The following PCDHA1 variants were observed in gnomAD, a reference collection of about 807,000 sequenced individuals.
PCDHA1 encodes the protein protocadherin alpha 1, also known as protocadherin alpha-1.
Under a neutral mutation model 61.3 loss-of-function variants are expected in PCDHA1, and 42 were observed. That is an observed-to-expected ratio of 0.69 (90% CI 0.54 to 0.89). The LOEUF (loss-of-function observed/expected upper bound fraction) is 0.89. Among genes scored for constraint, PCDHA1 ranks in the 40% least tolerant of loss-of-function variants. The probability of loss-of-function intolerance (pLI) is 0.00; values close to 1 mark genes in which losing one functional copy is unlikely to be tolerated. For missense variants in PCDHA1, 1,256 were observed against 1,235.3 expected (o/e 1.02, Z -0.25); for synonymous variants, 610 against 553.8 (o/e 1.10, Z -1.43).
In PCDHA1 at chr5:140,926,298, C is replaced by G. The variant is rs1337047837; in HGVS notation, c.2395-52651C>G. 3.3e-5 allele frequency: 5 copies of G among 152,328 alleles called. No homozygotes were observed. In the East Asian group the frequency reaches 5.8e-4, roughly 18 times the overall value. The allele number at this position is 152,328 out of a possible 1,614,324, so 9.4% of individuals were successfully genotyped here. Reference sequence around the variant, plus strand: ...TCGGCAGCTCCACGCTGAGTCCCGCCCTCTCCGCCGGAGAGGTGCGCCGGG... The same window carrying G: ...TCGGCAGCTCCACGCTGAGTCCCGCGCTCTCCGCCGGAGAGGTGCGCCGGG... On this transcript the variant is annotated intron_variant, in intron 1 of 3. Coordinates refer to ENST00000504120, the MANE Select transcript of PCDHA1 (RefSeq NM_018900.4).
At chr5:140,854,262 A>G in intron 1 of PCDHA1, 1 of 592,128 alleles carries the variant, frequency 1.7e-6, no homozygotes, top group South Asian at 7.2e-5. Flanking sequence ...TAAAATGTAC[A>G]TTAGTAGAAA....
At chr5:140,874,064 A>T (rs554642692) in intron 1 of PCDHA1, among the ~76,000 whole-genome samples, 17 of 152,334 alleles carry the variant, frequency 1.1e-4, no homozygotes, top group Admixed American at 1.1e-3. Flanking sequence ...AATTTAAATA[A>T]TTAGCCTGAT....
At chr5:140,803,544 C>A in intron 1 of PCDHA1, 2 of 1,614,160 alleles carry the variant, frequency 1.2e-6, no homozygotes, top group East Asian at 2.2e-5. Flanking sequence ...TCCAATTAGC[C>A]GGGATAGAGA....
In PCDHA1 at chr5:140,787,145, T is replaced by G. The variant is rs1761353768; in HGVS notation, c.855T>G (p.Ile285Met). The G allele has an allele frequency of 5.0e-6, 8 of 1,613,948 alleles. No individual in the cohort carries two copies. The highest frequency in any genetic ancestry group is 6.8e-6 in the Non-Finnish European group (8 of 1,179,954). Residue 285 changes from isoleucine to methionine, a missense_variant, in exon 1 of 4, where the codon ATT becomes ATG. Ile to Met is a conservative substitution (Grantham distance 10). Coordinates refer to ENST00000504120, the MANE Select transcript of PCDHA1 (RefSeq NM_018900.4). Reference sequence around the variant, plus strand: ...TCGTCTTTTCCTTTGACAGTGGTATTTCTCGTGACATTCAAGAAAAATTCA... The same window carrying G: ...TCGTCTTTTCCTTTGACAGTGGTATGTCTCGTGACATTCAAGAAAAATTCA... ...GEVVFSFDSGISRDIQEKFKV... is the reference protein window; with the variant it reads ...GEVVFSFDSGMSRDIQEKFKV...
At chr5:140,905,033 T>C (rs1325621385) in intron 1 of PCDHA1, among the ~76,000 whole-genome samples, 3 of 152,234 alleles carry the variant, frequency 2.0e-5, no homozygotes, top group African/African-American at 7.2e-5. Context: ...AGAAGCTTTT[T>C]AGTTTAATTA....
intron 1 of PCDHA1, chr5:140,862,740 G>A: frequency 1.7e-6 from 1 of 577,772 alleles, no homozygotes; most frequent in South Asian, 1.4e-5. Flanking sequence ...GCTATGTGTG[G>A]GTGCACGCGG....
chr5:140,799,724 G>A (rs1423428561), intron 1 of PCDHA1, among the ~76,000 whole-genome samples: 3 of 151,932 alleles, frequency 2.0e-5, no homozygotes, highest in African/African-American at 7.2e-5. Context: ...TGCAGTCCTG[G>A]CTTCCATTTC....
chr5:140,922,342 A>G (rs1256854965), intron 1 of PCDHA1, among the ~76,000 whole-genome samples: 2 of 152,184 alleles, frequency 1.3e-5, no homozygotes, highest in East Asian at 3.8e-4. Flanking sequence ...GTATATTGGT[A>G]TTTTCTAGAG....
intron 3 of PCDHA1, among the ~76,000 whole-genome samples, chr5:141,001,642 G>A (rs1399710505): frequency 6.6e-6 from 1 of 152,110 alleles, no homozygotes; most frequent in African/African-American, 2.4e-5. Flanking sequence ...GGGGGTGAAG[G>A]TGTGGGAGAA....
At chr5:140,811,939 A>G (rs1315208542) in intron 1 of PCDHA1, 1 of 152,012 alleles carries the variant, frequency 6.6e-6, no homozygotes, top group Non-Finnish European at 1.5e-5. Context: ...ATTTTCTCCC[A>G]TTCTGTAGGT....
Position 140,803,532 on chromosome 5 carries a change from T to G in PCDHA1, c.2394+14848T>G, listed in dbSNP as rs1562194851. Reference sequence around the variant, plus strand: ...GGCTTTTAGCCCTAGCCTTCCTCCTTGTCCAATTAGCCGGGATAGAGAGGA... The same window carrying G: ...GGCTTTTAGCCCTAGCCTTCCTCCTGGTCCAATTAGCCGGGATAGAGAGGA... On this transcript the variant is annotated intron_variant, in intron 1 of 3. Coordinates refer to ENST00000504120, the MANE Select transcript of PCDHA1 (RefSeq NM_018900.4). The G allele has an allele frequency of 2.5e-6, 4 of 1,614,232 alleles. No homozygotes were observed. The Admixed American group carries it at 5.0e-5, about 20-fold the overall frequency.
At chr5:140,803,242 C>A (rs1763153427) in intron 1 of PCDHA1, 2 of 1,613,806 alleles carry the variant, frequency 1.2e-6, no homozygotes, top group Non-Finnish European at 1.7e-6. Context: ...TCGTCCCAGG[C>A]GTCCGCTGGC....
At chr5:140,954,938 GT>G (rs2095112203) in intron 1 of PCDHA1, among the ~76,000 whole-genome samples, 1 of 152,078 alleles carries the variant, frequency 6.6e-6, no homozygotes, top group Admixed American at 6.6e-5. Flanking sequence ...TTAATCTTGA[GT>G]TAATTTTTGT....
intron 1 of PCDHA1, among the ~76,000 whole-genome samples, chr5:140,880,869 G>A (rs1017640769): frequency 2.0e-5 from 3 of 152,064 alleles, no homozygotes; most frequent in Non-Finnish European, 4.4e-5. Context: ...TATGTGAAGA[G>A]GTAAATAAAG....
At chr5:140,804,777 A>C (rs1763458869) in intron 1 of PCDHA1, 1 of 258,046 alleles carries the variant, frequency 3.9e-6, no homozygotes, top group African/African-American at 2.2e-5. Context: ...ACTCCCATTT[A>C]AGTTTCCCTA....
Position 141,009,608 on chromosome 5 carries a change from G to A in PCDHA1, c.2543-19G>A, listed in dbSNP as rs1350951999. ...CATGTGTTGACCCTGTTAATGATTTGTAATGTTTTGTCTTTCAGAACCAGA... is the reference window on the plus strand; with the variant it reads ...CATGTGTTGACCCTGTTAATGATTTATAATGTTTTGTCTTTCAGAACCAGA... On this transcript the variant is annotated intron_variant, in intron 3 of 3. Coordinates refer to ENST00000504120, the MANE Select transcript of PCDHA1 (RefSeq NM_018900.4). The A allele has an allele frequency of 2.5e-6, 4 of 1,610,656 alleles. No individual in the cohort carries two copies. The highest frequency in any genetic ancestry group is 3.4e-6 in the Non-Finnish European group (4 of 1,177,936).
chr5:140,963,551 G>C (rs2095774327), intron 1 of PCDHA1, among the ~76,000 whole-genome samples: 1 of 152,158 alleles, frequency 6.6e-6, no homozygotes, highest in African/African-American at 2.4e-5. Flanking sequence ...GATATAAAAA[G>C]GGGCTGTTTT....
intron 1 of PCDHA1, chr5:140,821,898 A>C (rs2150111763): frequency 6.2e-7 from 1 of 1,614,196 alleles, no homozygotes; most frequent in East Asian, 2.2e-5. Flanking sequence ...CCAAACACGG[A>C]ACCTTCGTTG....
intron 1 of PCDHA1, chr5:140,822,475 G>A (rs2150116650): frequency 1.2e-6 from 2 of 1,613,728 alleles, no homozygotes; most frequent in South Asian, 1.1e-5. Context: ...TGTATTGGAT[G>A]CTAATGATAA....
Sources: gnomAD v4.1 joint callset for allele counts (sites outside exome capture counted in the v4.1 genomes callset) on GRCh38, gnomAD v4.1.1 for gene constraint, MANE v1.5 for transcripts, NCBI Gene and HGNC (gene_info 2026-07-23, HGNC 2026-07-21) for gene names.